FABP6: variants seen among roughly 807,000 people sequenced by gnomAD.
The protein encoded by FABP6 is fatty acid binding protein 6, also known as gastrotropin.
Under a neutral mutation model 14.9 loss-of-function variants are expected in FABP6, and 13 were observed. That is an observed-to-expected ratio of 0.87 (90% confidence interval 0.57 to 1.39). The LOEUF is 1.39. FABP6 is among the 40% of genes most tolerant of loss of function. The probability of loss-of-function intolerance (pLI) is 0.00; values close to 1 mark genes in which losing one functional copy is unlikely to be tolerated. For synonymous variants in FABP6, 75 were observed against 63.6 expected, an observed-to-expected ratio of 1.18 and a Z score of -0.85; for missense variants, 161 against 167.2, an observed-to-expected ratio of 0.96 and a Z score of 0.20.
chr5:160,230,040 AT>A (rs11405855), intron 1 of FABP6, among the ~76,000 whole-genome samples: 8 of 144,502 alleles, frequency 5.5e-5, no homozygotes, highest in Non-Finnish European at 7.5e-5. Flanking sequence ...CGCCCGGCTA[AT>A]TTTTTTTTTT....
intron 2 of FABP6, among the ~76,000 whole-genome samples, chr5:160,206,473 A>G (rs2113091494): frequency 6.6e-6 from 1 of 152,272 alleles, no homozygotes; most frequent in Admixed American, 6.6e-5. Context: ...TTCTACATGT[A>G]TCCACAGTGA....
intron 3 of FABP6, among the ~76,000 whole-genome samples, chr5:160,214,607 C>T (rs1240984830): frequency 2.0e-5 from 3 of 152,012 alleles, no homozygotes; most frequent in Admixed American, 2.0e-4. Context: ...TGCCTGGCCT[C>T]AAGTGGATTT....
intron 2 of FABP6, among the ~76,000 whole-genome samples, chr5:160,212,670 C>G (rs1290614508): frequency 1.3e-5 from 2 of 152,094 alleles, no homozygotes; most frequent in East Asian, 3.9e-4. Flanking sequence ...AGGGTTTCAC[C>G]GTGTTAGCCA....
intron 2 of FABP6, among the ~76,000 whole-genome samples, chr5:160,206,549 T>G (rs929334361): frequency 5.3e-5 from 8 of 152,172 alleles, no homozygotes; most frequent in African/African-American, 1.9e-4. Flanking sequence ...AGGACACATA[T>G]ACATCATGTT....
chr5:160,230,695 A>G (rs1352033368), intron 1 of FABP6, among the ~76,000 whole-genome samples: 1 of 152,108 alleles, frequency 6.6e-6, no homozygotes, highest in African/African-American at 2.4e-5. Flanking sequence ...GCTATATGCA[A>G]GGCTATCTCA....
chr5:160,201,754 C>A (rs1759646038), intron 2 of FABP6, among the ~76,000 whole-genome samples: 1 of 151,744 alleles, frequency 6.6e-6, no homozygotes, highest in African/African-American at 2.4e-5. Context: ...TGAACTCATT[C>A]ATTCATTCAC....
At chr5:160,203,004 C>G (rs550592746) in intron 2 of FABP6, among the ~76,000 whole-genome samples, 14 of 149,806 alleles carry the variant, frequency 9.3e-5, no homozygotes, top group African/African-American at 3.4e-4. Flanking sequence ...CAGGTTCAAG[C>G]GATTCTCCTG....
intron 1 of FABP6, chr5:160,198,830 A>C: frequency 2.1e-6 from 1 of 481,292 alleles, no homozygotes; most frequent in South Asian, 2.7e-5. Context: ...GACCTCTTCA[A>C]ATACTGGCCC....
In FABP6 at chr5:160,238,655, C is replaced by T; in HGVS notation, c.383C>T (p.Ala128Val). 1.2e-6 allele frequency: 2 copies of T among 1,613,860 alleles called. No individual in the cohort carries two copies. The highest frequency in any genetic ancestry group is 2.7e-5 in the African/African-American group (2 of 75,048). ...VTYERVSKRLA is the reference protein window; with the variant it reads ...VTYERVSKRLV ...TATGAGCGCGTGAGCAAGAGACTGG[C>T]CTAAGCAGCCAGGCCCGGCCCAGGG... The change falls in exon 4 of 4, where the codon GCC becomes GTC. Residue 128 changes from alanine (A) to valine (V), a missense_variant. Transcript: ENST00000402432.
At chr5:160,230,325 G>C (rs1044049986) in intron 1 of FABP6, among the ~76,000 whole-genome samples, 3 of 152,044 alleles carry the variant, frequency 2.0e-5, no homozygotes, top group Admixed American at 6.6e-5. Context: ...TGGTGAAGTA[G>C]AGATTTGATG....
At chr5:160,220,260 A>G (rs1190542811) in intron 3 of FABP6, among the ~76,000 whole-genome samples, 1 of 152,172 alleles carries the variant, frequency 6.6e-6, no homozygotes, top group African/African-American at 2.4e-5. Context: ...CACTTTTGCT[A>G]TGTACTTTCA....
chr5:160,203,784 C>A (rs1274186210), intron 2 of FABP6, among the ~76,000 whole-genome samples: 1 of 150,914 alleles, frequency 6.6e-6, no homozygotes, highest in Non-Finnish European at 1.5e-5. Flanking sequence ...TCACTGTAAT[C>A]TCCGCCTTCC....
At chr5:160,204,541 G>C (rs995609776) in intron 2 of FABP6, among the ~76,000 whole-genome samples, 1 of 152,024 alleles carries the variant, frequency 6.6e-6, no homozygotes, top group Non-Finnish European at 1.5e-5. Flanking sequence ...CCGGGCTGGA[G>C]TGCAGTGGCG....
chr5:160,213,367 G>A (rs1369193595), intron 2 of FABP6, among the ~76,000 whole-genome samples: 1 of 152,186 alleles, frequency 6.6e-6, no homozygotes, highest in Non-Finnish European at 1.5e-5. Context: ...TGGTGGTGGT[G>A]GCCATATTCT....
intron 3 of FABP6, among the ~76,000 whole-genome samples, chr5:160,215,630 A>G (rs6866709): frequency 0.83 from 125,307 of 150,980 alleles, 52,426 homozygotes; most frequent in Non-Finnish European, 0.86. Context: ...TGAGGTGGCA[A>G]TGAGCCATGA....
intron 2 of FABP6, among the ~76,000 whole-genome samples, chr5:160,206,976 A>G (rs1197173108): frequency 6.6e-6 from 1 of 152,238 alleles, no homozygotes; most frequent in Non-Finnish European, 1.5e-5. Flanking sequence ...AGAAAAACCT[A>G]CTTTGCCCTT....
At chr5:160,213,664 C>A in intron 2 of FABP6, 2 of 1,307,782 alleles carry the variant, frequency 1.5e-6, no homozygotes, top group Non-Finnish European at 2.2e-6. Flanking sequence ...CCTCCCTGCA[C>A]AGAGCTGATT....
At chr5:160,197,950 G>GTA (rs1759547139) in intron 1 of FABP6, 2 of 138,022 alleles carry the variant, frequency 1.4e-5, no homozygotes, top group Non-Finnish European at 3.2e-5. Flanking sequence ...GTGTGTGTGT[G>GTA]TGTATGTGTG....
chr5:160,201,996 T>C (rs1237190981), intron 2 of FABP6, among the ~76,000 whole-genome samples: 2 of 152,194 alleles, frequency 1.3e-5, no homozygotes, highest in Non-Finnish European at 2.9e-5. Context: ...ACTCCTGGGC[T>C]CAGGCGATCT....
Sources: gnomAD v4.1 joint callset for allele counts (sites outside exome capture counted in the v4.1 genomes callset) on GRCh38, gnomAD v4.1.1 for gene constraint, MANE v1.5 for transcripts, NCBI Gene and HGNC (gene_info 2026-07-23, HGNC 2026-07-21) for gene names.